The following COL25A1 variants were observed in gnomAD, a reference collection of about 807,000 sequenced individuals.
The protein encoded by COL25A1 is collagen type XXV alpha 1 chain, also known as collagen alpha-1(XXV) chain.
A neutral mutation model predicts 128.4 loss-of-function variants in COL25A1; 103 were observed. That is an observed-to-expected ratio of 0.80 (90% CI 0.68 to 0.94). COL25A1 has a LOEUF of 0.94. Ranked by LOEUF, COL25A1 falls within the 40% of genes least tolerant of loss-of-function variation. The pLI, the probability that COL25A1 is intolerant of heterozygous loss-of-function variation, is 0.00. For missense variants in COL25A1, 745 were observed against 840.0 expected (o/e 0.89, Z 1.40); for synonymous variants, 279 against 277.2 (o/e 1.01, Z -0.06).
chr4:108,883,143 G>C (rs1046911387), intron 19 of COL25A1, among the ~76,000 whole-genome samples: 3 of 152,074 alleles, frequency 2.0e-5, no homozygotes, highest in African/African-American at 7.2e-5. Flanking sequence ...CCGGGTTCAA[G>C]AGAGCCTCCT....
chr4:108,996,307 AAAAG>A (rs1453783117), intron 6 of COL25A1, among the ~76,000 whole-genome samples: 9 of 151,830 alleles, frequency 5.9e-5, no homozygotes, highest in Non-Finnish European at 1.3e-4. Context: ...AAAAAAAAAA[AAAAG>A]GAGGGGTTGC....
At chr4:108,905,859 G>T (rs531380374) in intron 13 of COL25A1, among the ~76,000 whole-genome samples, 17 of 150,100 alleles carry the variant, frequency 1.1e-4, no homozygotes, top group African/African-American at 4.2e-4. Flanking sequence ...TCGGGGGGGG[G>T]TGCGGGGGGA....
chr4:108,969,734 T>C (rs1397363503), intron 8 of COL25A1, among the ~76,000 whole-genome samples: 2 of 151,894 alleles, frequency 1.3e-5, no homozygotes, highest in African/African-American at 4.9e-5. Flanking sequence ...CTAAGTCAGC[T>C]CATCCGTTCT....
intron 3 of COL25A1, among the ~76,000 whole-genome samples, chr4:109,106,196 C>T (rs1002202922): frequency 3.9e-5 from 6 of 152,246 alleles, no homozygotes; most frequent in African/African-American, 1.4e-4. Context: ...CTACTCCTAT[C>T]CCACAATTTC....
chr4:109,182,799 G>A (rs1329109539), intron 3 of COL25A1, among the ~76,000 whole-genome samples: 2 of 152,046 alleles, frequency 1.3e-5, no homozygotes, highest in Non-Finnish European at 2.9e-5. Context: ...TAGAGCCCTG[G>A]TGTCTACCCC....
chr4:109,137,984 A>ATGTG (rs10700157), intron 3 of COL25A1, among the ~76,000 whole-genome samples: 7,045 of 142,552 alleles, frequency 0.049, 346 homozygotes, highest in African/African-American at 0.12. Context: ...TTATATATAT[A>ATGTG]TGTGTGTGTG....
intron 5 of COL25A1, among the ~76,000 whole-genome samples, chr4:109,029,450 G>C (rs1758627118): frequency 6.6e-6 from 1 of 152,136 alleles, no homozygotes; most frequent in African/African-American, 2.4e-5. Context: ...ATCATCACAG[G>C]AAGGGCGAGT....
intron 3 of COL25A1, among the ~76,000 whole-genome samples, chr4:109,286,261 T>A (rs1723882686): frequency 6.6e-6 from 1 of 152,182 alleles, no homozygotes; most frequent in Admixed American, 6.6e-5. Context: ...ATGCATGGAA[T>A]CATTTAATAA....
chr4:109,128,980 C>G (rs895937185), intron 3 of COL25A1, among the ~76,000 whole-genome samples: 1 of 152,148 alleles, frequency 6.6e-6, no homozygotes, highest in Non-Finnish European at 1.5e-5. Flanking sequence ...AACACAGATT[C>G]GCAGGCTGGA....
At chr4:109,186,131 T>C (rs1478862128) in intron 3 of COL25A1, among the ~76,000 whole-genome samples, 1 of 152,140 alleles carries the variant, frequency 6.6e-6, no homozygotes, top group Non-Finnish European at 1.5e-5. Flanking sequence ...CAGCTGGGAA[T>C]GAATGAGATG....
intron 13 of COL25A1, among the ~76,000 whole-genome samples, chr4:108,917,121 G>A (rs958267842): frequency 3.3e-5 from 5 of 152,124 alleles, no homozygotes; most frequent in African/African-American, 1.2e-4. Context: ...AGAAACTGAG[G>A]CCAGAGAATT....
At chr4:108,857,367 A>T (rs1736649740) in intron 24 of COL25A1, among the ~76,000 whole-genome samples, 1 of 152,012 alleles carries the variant, frequency 6.6e-6, no homozygotes, top group Non-Finnish European at 1.5e-5. Flanking sequence ...TAATTTAGAA[A>T]ACTAGTTCTA....
chr4:108,850,041 C>T (rs995075520), intron 26 of COL25A1, among the ~76,000 whole-genome samples: 1 of 152,160 alleles, frequency 6.6e-6, no homozygotes, highest in African/African-American at 2.4e-5. Context: ...GTTGGATGCA[C>T]CTGGCTAAGC....
chr4:109,172,964 T>C (rs1773727781), intron 3 of COL25A1, among the ~76,000 whole-genome samples: 1 of 152,214 alleles, frequency 6.6e-6, no homozygotes, highest in Admixed American at 6.5e-5. Flanking sequence ...CATCTTAGGA[T>C]TGATGACATT....
At chr4:109,127,725 T>C (rs1310525940) in intron 3 of COL25A1, among the ~76,000 whole-genome samples, 1 of 152,074 alleles carries the variant, frequency 6.6e-6, no homozygotes, top group African/African-American at 2.4e-5. Flanking sequence ...AAAAATCAGT[T>C]GGTACTTAGT....
At chr4:109,150,679 G>A (rs114387950) in intron 3 of COL25A1, among the ~76,000 whole-genome samples, 1,818 of 152,134 alleles carry the variant, frequency 0.012, 13 homozygotes, top group Non-Finnish European at 0.018. Flanking sequence ...ACACTGGGAC[G>A]TTTATGTCTA....
At chr4:109,078,557 T>C (rs1045170484) in intron 3 of COL25A1, among the ~76,000 whole-genome samples, 5 of 152,232 alleles carry the variant, frequency 3.3e-5, no homozygotes, top group African/African-American at 1.2e-4. Context: ...CACAGCTCTT[T>C]CTGGCATCAG....
At chr4:108,886,364 C>A (rs931550823) in intron 18 of COL25A1, among the ~76,000 whole-genome samples, 1 of 152,016 alleles carries the variant, frequency 6.6e-6, no homozygotes, top group East Asian at 1.9e-4. Flanking sequence ...CCACAGCCCA[C>A]GGGCCACATG....
chr4:109,205,129 T>C (rs1461081730), intron 3 of COL25A1, among the ~76,000 whole-genome samples: 6 of 152,182 alleles, frequency 3.9e-5, no homozygotes, highest in Admixed American at 1.3e-4. Context: ...CACTGAATTA[T>C]GGAAAATCTG....
Sources: allele counts gnomAD v4.1 joint callset (sites outside exome capture counted in the v4.1 genomes callset), GRCh38; gene constraint gnomAD v4.1.1; transcripts MANE v1.5; gene names NCBI Gene and HGNC (gene_info 2026-07-23, HGNC 2026-07-21).